Variants in GALNT9 observed in about 807,000 individuals in gnomAD.
GALNT9 encodes GalNAc transferase 9.
In GALNT9, 47 loss-of-function variants were observed where a neutral mutation model predicts 63.1. That is an observed-to-expected ratio of 0.75 (90% CI 0.59 to 0.95). The LOEUF is 0.95. GALNT9 is among the 40% of genes least tolerant of loss of function. GALNT9 has a pLI of 0.00. For synonymous variants in GALNT9, 396 were observed against 365.7 expected (o/e 1.08, Z -0.94); for missense variants, 829 against 874.8 (o/e 0.95, Z 0.66).
At chr12:132,211,558 TCTTA>T (rs1474199593) in intron 6 of GALNT9, among the ~76,000 whole-genome samples, 1 of 152,018 alleles carries the variant, frequency 6.6e-6, no homozygotes, top group Admixed American at 6.6e-5. Flanking sequence ...GTATCCGCAG[TCTTA>T]CTGTGATCCG....
At chr12:132,255,788 C>T (rs1316473664) in intron 5 of GALNT9, among the ~76,000 whole-genome samples, 2 of 152,230 alleles carry the variant, frequency 1.3e-5, no homozygotes, top group East Asian at 1.9e-4. Context: ...CACGCCTGCA[C>T]GCTAAGCATG....
In GALNT9 at chr12:132,315,237, C is replaced by T. The variant is rs1424700746; in HGVS notation, c.238+13729G>A. Among the ~76,000 whole-genome samples the T allele has an allele frequency of 1.5e-5, 2 of 133,986 alleles. No individual in the cohort carries two copies. Among genetic ancestry groups the T allele is most frequent in the African/African-American group, 5.1e-5 (2 of 39,554 alleles). The allele number at this position is 133,986 out of a possible 152,430, so 87.9% of individuals were successfully genotyped here. On this transcript the variant is annotated intron_variant, in intron 1 of 10. Transcript: ENST00000328957. This position sits in a 1 kb window ranked among gnomAD's most constrained non-coding sequence, Gnocchi z 6.1. ...CGTGTCCACTGCAAAGTGCTGGAGCCTCAGAATATAATCAGGGCGGCCTCC... is the reference window on the plus strand; with the variant it reads ...CGTGTCCACTGCAAAGTGCTGGAGCTTCAGAATATAATCAGGGCGGCCTCC...
rs556206206 is a variant in GALNT9, at chr12:132,282,779, G to A, written c.419+3471C>T. On this transcript the variant is annotated intron_variant, in intron 2 of 10. Transcript: ENST00000328957. This position sits in a 1 kb window ranked among gnomAD's most constrained non-coding sequence, Gnocchi z 4.5. ...TGGGGTGACCTTCACGCTCTGACTG[G>A]TTTAGACCTGGGCGGCGGGATCTGC... is the stretch of plus-strand genomic sequence containing the variant. 12 of 152,468 alleles carry A rather than the reference G, an allele frequency of 7.9e-5. No individual in the cohort carries two copies. Among genetic ancestry groups the A allele is most frequent in the Non-Finnish European group, 2.9e-5 (2 of 68,164 alleles). 9.4% of individuals were successfully genotyped at this position (152,468 alleles called of 1,614,324 possible). A position where few individuals can be genotyped will look rare whatever the true frequency, so the allele number is the denominator to read the frequency against.
intron 1 of GALNT9, among the ~76,000 whole-genome samples, chr12:132,290,943 A>G (rs1555242664): frequency 2.1e-5 from 1 of 47,236 alleles, no homozygotes; most frequent in Non-Finnish European, 3.6e-5. Context: ...CGTCCACACC[A>G]CCCACATCCA....
intron 1 of GALNT9, among the ~76,000 whole-genome samples, chr12:132,313,525 CCCACCCACCCAT>C (rs1298394783): frequency 9.3e-6 from 1 of 107,446 alleles, no homozygotes; most frequent in Non-Finnish European, 1.9e-5. Flanking sequence ...CATCCACTTA[CCCACCCACCCAT>C]CCACCCACCC....
At chr12:132,211,360 G>A (rs919971792) in intron 6 of GALNT9, among the ~76,000 whole-genome samples, 19 of 152,106 alleles carry the variant, frequency 1.2e-4, no homozygotes, top group African/African-American at 4.8e-5. Context: ...CTATTTTGAC[G>A]AATAAAGGTG....
chr12:132,302,956 G>A (rs571404210), intron 1 of GALNT9, among the ~76,000 whole-genome samples: 40 of 138,286 alleles, frequency 2.9e-4, no homozygotes, highest in East Asian at 6.3e-4. Flanking sequence ...GGACCACTCC[G>A]GTGACCGTCT....
chr12:132,286,078 C>T lies in GALNT9; in HGVS notation c.419+172G>A, dbSNP rs985233000. ...GGGGAGCGCTCACTTTCCCGGCCAGCGTGGGGGGCGGTCACTTCCCCGGCG... is the reference window on the plus strand; with the variant it reads ...GGGGAGCGCTCACTTTCCCGGCCAGTGTGGGGGGCGGTCACTTCCCCGGCG... On this transcript the variant is annotated intron_variant, in intron 2 of 10. Transcript: ENST00000328957. This position sits in a 1 kb window ranked among gnomAD's most constrained non-coding sequence, Gnocchi z 7.4. 6.7e-6 allele frequency among the ~76,000 whole-genome samples: 1 copy of T among 149,522 alleles called. No individual in the cohort carries two copies. Among genetic ancestry groups the T allele is most frequent in the Non-Finnish European group, 1.5e-5 (1 of 66,440 alleles).
chr12:132,267,134 C>CA (rs1368736569), intron 2 of GALNT9, among the ~76,000 whole-genome samples: 42 of 152,140 alleles, frequency 2.8e-4, no homozygotes, highest in African/African-American at 8.4e-4. Flanking sequence ...GCTTGTCTCA[C>CA]AAAAAAGAAG....
intron 2 of GALNT9, among the ~76,000 whole-genome samples, chr12:132,263,359 G>A (rs1879475533): frequency 6.6e-6 from 1 of 152,242 alleles, no homozygotes; most frequent in South Asian, 2.1e-4. Flanking sequence ...AGCTTGGATT[G>A]CACAGTTTTC....
chr12:132,210,414 G>A (rs906415932), intron 6 of GALNT9, among the ~76,000 whole-genome samples: 4 of 152,234 alleles, frequency 2.6e-5, no homozygotes, highest in Non-Finnish European at 5.9e-5. Flanking sequence ...GGGACATGCG[G>A]CCTTCATCGT....
intron 6 of GALNT9, among the ~76,000 whole-genome samples, chr12:132,230,587 C>T (rs1206342220): frequency 6.7e-6 from 1 of 148,900 alleles, no homozygotes; most frequent in East Asian, 1.9e-4. Flanking sequence ...CAAGGCCGCG[C>T]CACCTGGCCC....
intron 2 of GALNT9, among the ~76,000 whole-genome samples, chr12:132,264,979 G>A (rs1022389781): frequency 6.6e-6 from 1 of 152,206 alleles, no homozygotes; most frequent in African/African-American, 2.4e-5. Flanking sequence ...CTCGCAGGTC[G>A]TACGAGGGAG....
intron 6 of GALNT9, among the ~76,000 whole-genome samples, chr12:132,204,040 C>G (rs1390598421): frequency 6.6e-6 from 1 of 152,016 alleles, no homozygotes; most frequent in Non-Finnish European, 1.5e-5. Context: ...GAACCCCCCG[C>G]CCCACTGCAC....
At chr12:132,288,058 C>T (rs1555242365) in intron 1 of GALNT9, among the ~76,000 whole-genome samples, 15 of 152,206 alleles carry the variant, frequency 9.9e-5, no homozygotes, top group Non-Finnish European at 2.2e-4. Context: ...GTGAAATACC[C>T]GATGCTAATA....
Position 132,286,495 on chromosome 12 carries a change from C to A in GALNT9, c.239-65G>T. The A allele has an allele frequency of 6.9e-7, 1 of 1,452,466 alleles. No homozygotes were observed. The allele number at this position is 1,452,466 out of a possible 1,614,324, so 90.0% of individuals were successfully genotyped here. A position where few individuals can be genotyped will look rare whatever the true frequency, so the allele number is the denominator to read the frequency against. On this transcript the variant is annotated intron_variant, in intron 1 of 10. Transcript: ENST00000328957. The surrounding 1 kb of genome is among the most constrained non-coding windows in gnomAD (Gnocchi z 7.4). ...ACACGCTGCGTCTGCACCCAGGAGA[C>A]GCCCCTCCCGCCCCTCTCCCCGACG...
intron 6 of GALNT9, among the ~76,000 whole-genome samples, chr12:132,230,012 C>T (rs1349172459): frequency 2.6e-5 from 4 of 152,208 alleles, no homozygotes; most frequent in African/African-American, 7.2e-5. Flanking sequence ...CGACCTGGGT[C>T]CCGGTGCCGC....
At chr12:132,224,607 A>ACTCG (rs1877572006) in intron 6 of GALNT9, among the ~76,000 whole-genome samples, 1 of 119,358 alleles carries the variant, frequency 8.4e-6, no homozygotes, top group African/African-American at 3.7e-5. Context: ...CACCCCACAA[A>ACTCG]CATACACCCC....
intron 5 of GALNT9, 38 bp downstream of exon 5, chr12:132,257,651 G>T (rs1351966501): frequency 4.7e-6 from 7 of 1,493,928 alleles, no homozygotes; most frequent in Non-Finnish European, 6.3e-6. Context: ...GCTCCTTGCC[G>T]GGCAGGGCCG....
Sources: gnomAD v4.1 joint callset for allele counts (sites outside exome capture counted in the v4.1 genomes callset) on GRCh38, gnomAD v4.1.1 for gene constraint, Gnocchi (gnomAD v3.1) non-coding constraint, MANE v1.5 for transcripts, NCBI Gene and HGNC (gene_info 2026-07-23, HGNC 2026-07-21) for gene names.